Variants in CNTN5 observed in about 807,000 individuals in gnomAD.
The protein encoded by CNTN5 is contactin 5, also known as contactin-5.
Under a neutral mutation model 129.1 loss-of-function variants are expected in CNTN5, and 77 were observed. The observed-to-expected ratio is 0.60, with a 90% CI of 0.50 to 0.72. CNTN5 has a LOEUF of 0.72. Among genes scored for constraint, CNTN5 ranks in the 30% least tolerant of loss-of-function variants. The pLI, the probability that CNTN5 is intolerant of heterozygous loss-of-function variation, is 0.00. For synonymous variants in CNTN5, 509 were observed against 465.6 expected (o/e 1.09, Z -1.20); for missense variants, 1,478 against 1,328.8 (o/e 1.11, Z -1.75).
intron 16 of CNTN5, among the ~76,000 whole-genome samples, chr11:100,247,314 C>T (rs1949862307): frequency 1.3e-5 from 2 of 152,106 alleles, no homozygotes; most frequent in Non-Finnish European, 2.9e-5. Context: ...AAAAGTTGAG[C>T]TCGATCAAAT....
chr11:99,790,331 T>C (rs1021115481), intron 3 of CNTN5, among the ~76,000 whole-genome samples: 4 of 152,012 alleles, frequency 2.6e-5, no homozygotes, highest in African/African-American at 9.7e-5. Flanking sequence ...TTCTCTCTCC[T>C]TCCACCTCAA....
chr11:99,095,724 C>G (rs927735800), intron 1 of CNTN5, among the ~76,000 whole-genome samples: 3 of 151,790 alleles, frequency 2.0e-5, no homozygotes, highest in African/African-American at 7.2e-5. Flanking sequence ...GGTGAATTAA[C>G]AAATGAAATT....
chr11:99,040,151 T>A (rs1380748472), intron 1 of CNTN5, among the ~76,000 whole-genome samples: 2 of 152,036 alleles, frequency 1.3e-5, no homozygotes, highest in African/African-American at 2.4e-5. Flanking sequence ...GGAAAAATGA[T>A]GCAGGAAGTG....
chr11:99,365,827 T>C (rs1008582078), intron 2 of CNTN5, among the ~76,000 whole-genome samples: 6 of 152,290 alleles, frequency 3.9e-5, no homozygotes, highest in African/African-American at 1.4e-4. Context: ...CATAGTATAA[T>C]TGATTTGAAA....
intron 3 of CNTN5, among the ~76,000 whole-genome samples, chr11:99,797,906 A>C (rs568100837): frequency 6.6e-6 from 1 of 152,284 alleles, no homozygotes; most frequent in Non-Finnish European, 1.5e-5. Context: ...CAATAAAATA[A>C]AATCATTTAA....
intron 9 of CNTN5, among the ~76,000 whole-genome samples, chr11:100,006,929 G>A (rs1940228098): frequency 6.6e-6 from 1 of 151,998 alleles, no homozygotes; most frequent in African/African-American, 2.4e-5. Flanking sequence ...CTTGATCCAT[G>A]GGCTACAAAA....
intron 9 of CNTN5, among the ~76,000 whole-genome samples, chr11:100,056,221 G>T (rs185337262): frequency 3.2e-4 from 49 of 151,588 alleles, no homozygotes; most frequent in African/African-American, 1.2e-3. Context: ...TGCTGTGAAC[G>T]TTCAATATGA....
At chr11:99,644,268 C>T (rs1387872905) in intron 3 of CNTN5, among the ~76,000 whole-genome samples, 1 of 152,144 alleles carries the variant, frequency 6.6e-6, no homozygotes, top group Non-Finnish European at 1.5e-5. Context: ...CTTTGAGTTC[C>T]AGTTGAGCAC....
intron 1 of CNTN5, among the ~76,000 whole-genome samples, chr11:99,216,544 T>TCATATGCTGGATCATATGATCC (rs1565410736): frequency 3.9e-5 from 6 of 152,052 alleles, no homozygotes; most frequent in South Asian, 4.1e-4. Context: ...TCATATGATC[T>TCATATGCTGGATCATATGATCC]ATCATATGCT....
chr11:99,410,804 T>A (rs921740767), intron 2 of CNTN5, among the ~76,000 whole-genome samples: 1 of 152,200 alleles, frequency 6.6e-6, no homozygotes, highest in East Asian at 1.9e-4. Flanking sequence ...TCTGTGTTCA[T>A]TATAGCTGTT....
chr11:100,286,906 C>A (rs1171824507), intron 18 of CNTN5, among the ~76,000 whole-genome samples: 1 of 151,848 alleles, frequency 6.6e-6, no homozygotes, highest in Non-Finnish European at 1.5e-5. Flanking sequence ...CAGAGAAGTG[C>A]TTAAAGGAGC....
chr11:99,667,633 A>G (rs1185781917), intron 3 of CNTN5, among the ~76,000 whole-genome samples: 1 of 152,216 alleles, frequency 6.6e-6, no homozygotes, highest in Non-Finnish European at 1.5e-5. Flanking sequence ...GAATGAGATC[A>G]TGTCTTTTGC....
intron 2 of CNTN5, among the ~76,000 whole-genome samples, chr11:99,461,946 G>A (rs1034889868): frequency 5.9e-5 from 9 of 152,042 alleles, no homozygotes; most frequent in Non-Finnish European, 8.8e-5. Context: ...TTAAATTGAT[G>A]CCTAAAACTT....
chr11:99,682,225 G>T (rs1953586772), intron 3 of CNTN5, among the ~76,000 whole-genome samples: 1 of 151,992 alleles, frequency 6.6e-6, no homozygotes, highest in South Asian at 2.1e-4. Context: ...CTTAAAAGGG[G>T]TGAGGATATG....
At chr11:99,730,344 T>C (rs996036528) in intron 3 of CNTN5, among the ~76,000 whole-genome samples, 3 of 152,160 alleles carry the variant, frequency 2.0e-5, no homozygotes, top group Non-Finnish European at 4.4e-5. Context: ...CAAACATCAC[T>C]TTTACCTGAT....
chr11:99,497,007 T>C (rs1276687442), intron 2 of CNTN5, among the ~76,000 whole-genome samples: 1 of 152,236 alleles, frequency 6.6e-6, no homozygotes, highest in Non-Finnish European at 1.5e-5. Context: ...TTTATTCTCA[T>C]AGAGCTTAAT....
intron 9 of CNTN5, among the ~76,000 whole-genome samples, chr11:100,023,279 G>GC (rs1941257230): frequency 6.6e-6 from 1 of 152,010 alleles, no homozygotes; most frequent in Admixed American, 6.6e-5. Context: ...TTGATCTTCT[G>GC]TTAATCACCT....
intron 3 of CNTN5, among the ~76,000 whole-genome samples, chr11:99,651,717 C>T (rs1211090288): frequency 1.3e-5 from 2 of 151,930 alleles, no homozygotes; most frequent in Admixed American, 6.6e-5. Context: ...TTTATCAGCA[C>T]TTACTTTTTA....
intron 13 of CNTN5, among the ~76,000 whole-genome samples, chr11:100,163,915 G>A (rs532390478): frequency 5.9e-5 from 9 of 151,844 alleles, no homozygotes; most frequent in Non-Finnish European, 1.2e-4. Flanking sequence ...ATACACACAT[G>A]AGTTATTATT....
Sources: allele counts gnomAD v4.1 joint callset (sites outside exome capture counted in the v4.1 genomes callset), GRCh38; gene constraint gnomAD v4.1.1; transcripts MANE v1.5; gene names NCBI Gene and HGNC (gene_info 2026-07-23, HGNC 2026-07-21).